MEGF10: variants seen among roughly 807,000 people sequenced by gnomAD.
MEGF10 encodes the protein multiple epidermal growth factor-like domains protein 10.
Under a neutral mutation model 147.5 loss-of-function variants are expected in MEGF10, and 86 were observed. The observed-to-expected ratio is 0.58, with a 90% confidence interval of 0.49 to 0.70. The LOEUF is 0.70. Among genes scored for constraint, MEGF10 ranks in the 30% least tolerant of loss-of-function variants. MEGF10 has a pLI of 0.00. For missense variants in MEGF10, 1,329 were observed against 1,487.3 expected (o/e 0.89, Z 1.75); for synonymous variants, 478 against 525.5 (o/e 0.91, Z 1.24).
chr5:127,426,307 T>A (rs1002279712), intron 13 of MEGF10, among the ~76,000 whole-genome samples: 1 of 152,320 alleles, frequency 6.6e-6, no homozygotes, highest in South Asian at 2.1e-4. Flanking sequence ...TACCTAGTCA[T>A]AAAATAAGTC....
chr5:127,352,043 G>C (rs1008808604), intron 4 of MEGF10, among the ~76,000 whole-genome samples: 1 of 152,114 alleles, frequency 6.6e-6, no homozygotes, highest in Admixed American at 6.6e-5. Flanking sequence ...GTCTCACCAA[G>C]CTGCAAATGC....
At chr5:127,416,462 C>T (rs76038195) in intron 9 of MEGF10, among the ~76,000 whole-genome samples, 2,808 of 152,190 alleles carry the variant, frequency 0.018, 54 homozygotes, top group South Asian at 0.078. Context: ...CTGAGACTCA[C>T]GCTCTGGTCC....
intron 2 of MEGF10, among the ~76,000 whole-genome samples, chr5:127,332,754 A>G (rs533291921): frequency 6.6e-6 from 1 of 152,332 alleles, no homozygotes. Flanking sequence ...AGCACCTCCC[A>G]TAAGGCATTT....
the MEGF10 span, among the ~76,000 whole-genome samples, chr5:127,240,048 C>A: frequency 6.6e-6 from 1 of 152,152 alleles, no homozygotes; most frequent in African/African-American, 2.4e-5. Context: ...CAAAGTCTAT[C>A]GAGTATTTTA....
chr5:127,338,211 T>C (rs893774383), intron 2 of MEGF10, among the ~76,000 whole-genome samples: 2 of 152,096 alleles, frequency 1.3e-5, no homozygotes, highest in African/African-American at 4.8e-5. Context: ...CCCATTTTTT[T>C]GTTTGTGTGA....
At chr5:127,404,694 G>A (rs1764260512) in intron 8 of MEGF10, among the ~76,000 whole-genome samples, 1 of 151,860 alleles carries the variant, frequency 6.6e-6, no homozygotes, top group Non-Finnish European at 1.5e-5. Flanking sequence ...TGGAATCTAG[G>A]TTTAGGTAAA....
the MEGF10 span, among the ~76,000 whole-genome samples, chr5:127,243,015 G>C: frequency 6.6e-6 from 1 of 152,070 alleles, no homozygotes; most frequent in Non-Finnish European, 1.5e-5. Context: ...TCTGTCCCTG[G>C]AGGCAAAACT....
At chr5:127,447,398 C>T (rs1323666978) in intron 20 of MEGF10, among the ~76,000 whole-genome samples, 159 bp from the exon 21 acceptor site, 2 of 152,098 alleles carry the variant, frequency 1.3e-5, no homozygotes, top group African/African-American at 2.4e-5. Context: ...AGGATGGTCT[C>T]GATCTCCTGA....
At chr5:127,310,578 C>G (rs1252577822) in intron 1 of MEGF10, among the ~76,000 whole-genome samples, 1 of 152,022 alleles carries the variant, frequency 6.6e-6, no homozygotes, top group Non-Finnish European at 1.5e-5. Flanking sequence ...GGATTTTGCT[C>G]TGAGATGTCT....
intron 5 of MEGF10, among the ~76,000 whole-genome samples, chr5:127,377,874 C>G (rs1209760934): frequency 6.6e-6 from 1 of 152,110 alleles, no homozygotes; most frequent in Non-Finnish European, 1.5e-5. Flanking sequence ...GTTGATGGAG[C>G]AGCAAGAATA....
At chr5:127,332,689 A>C (rs1488276712) in intron 2 of MEGF10, among the ~76,000 whole-genome samples, 1 of 152,208 alleles carries the variant, frequency 6.6e-6, no homozygotes, top group Non-Finnish European at 1.5e-5. Flanking sequence ...TATTAACTAC[A>C]TTATACAGAA....
At chr5:127,260,345 C>A in the MEGF10 span, among the ~76,000 whole-genome samples, 1 of 152,084 alleles carries the variant, frequency 6.6e-6, no homozygotes, top group Non-Finnish European at 1.5e-5. Flanking sequence ...AGACTCCTGT[C>A]TTGGTTGTTT....
At chr5:127,301,656 G>A (rs957975432) in intron 1 of MEGF10, among the ~76,000 whole-genome samples, 4 of 152,142 alleles carry the variant, frequency 2.6e-5, no homozygotes, top group African/African-American at 9.7e-5. Flanking sequence ...CTGACATCTT[G>A]GTGACTTTGG....
chr5:127,457,189 A>C lies in MEGF10; in HGVS notation c.3294A>C (p.Pro1098=). Residue 1098 remains proline, a synonymous_variant, in exon 25 of 25, where the codon CCA becomes CCC. Transcript: ENST00000503335. The part of the protein sequence containing the change: ...FSNNGRLSQD[P]YDLPKNSHIP... ...ATAATGGGCGTCTCTCCCAGGATCC[A>C]TATGACCTCCCAAAGAACAGTCACA... 1 of 1,614,168 alleles carries C rather than the reference A, an allele frequency of 6.2e-7. No homozygotes were observed. Among genetic ancestry groups the C allele is most frequent in the South Asian group, 1.1e-5 (1 of 91,080 alleles).
chr5:127,336,277 T>A (rs1320233476), intron 2 of MEGF10, among the ~76,000 whole-genome samples: 1 of 151,880 alleles, frequency 6.6e-6, no homozygotes, highest in East Asian at 1.9e-4. Context: ...AATTTTATAC[T>A]CCTATTTCCC....
chr5:127,449,018 G>A (rs1461658160), intron 21 of MEGF10, 81 bp from the exon 22 acceptor site: 8 of 1,562,224 alleles, frequency 5.1e-6, no homozygotes, highest in Non-Finnish European at 7.0e-6. Flanking sequence ...ATGTGCCCTG[G>A]ACTTTTCCCC....
chr5:127,232,931 G>A, the MEGF10 span, among the ~76,000 whole-genome samples: 318 of 152,182 alleles, frequency 2.1e-3, 12 homozygotes, highest in East Asian at 0.033. Flanking sequence ...TAGATGTGAG[G>A]AGAGTGTGCT....
chr5:127,401,157 C>G (rs1206374691), intron 7 of MEGF10, among the ~76,000 whole-genome samples: 1 of 152,120 alleles, frequency 6.6e-6, no homozygotes, highest in Non-Finnish European at 1.5e-5. Flanking sequence ...ACAGACTGAC[C>G]TTCAGTATGT....
chr5:127,434,609 C>T, intron 14 of MEGF10, 78 bp from the exon 15 acceptor site: 1 of 1,462,408 alleles, frequency 6.8e-7, no homozygotes, highest in Non-Finnish European at 9.1e-7. Context: ...ACCTCTAAAA[C>T]TTTAACTAGA....
Sources: gnomAD v4.1 joint callset for allele counts (sites outside exome capture counted in the v4.1 genomes callset) on GRCh38, gnomAD v4.1.1 for gene constraint, MANE v1.5 for transcripts, NCBI Gene and HGNC (gene_info 2026-07-23, HGNC 2026-07-21) for gene names.